LRP1B: variants seen among roughly 807,000 people sequenced by gnomAD.
LRP1B encodes low-density lipoprotein receptor-related protein 1B.
Under a neutral mutation model 556.6 loss-of-function variants are expected in LRP1B, and 217 were observed. The ratio of observed to expected loss-of-function variants is 0.39; its 90% CI spans 0.35 to 0.44. The LOEUF (loss-of-function observed/expected upper bound fraction) is 0.44. Among genes scored for constraint, LRP1B ranks in the 20% least tolerant of loss-of-function variants. LRP1B has a pLI of 1.00. For synonymous variants in LRP1B, 2,047 were observed against 1,865.8 expected (o/e 1.10, Z -2.50); for missense variants, 5,053 against 5,620.8 (o/e 0.90, Z 3.23).
intron 41 of LRP1B, among the ~76,000 whole-genome samples, chr2:140,619,583 C>T: frequency 6.6e-6 from 1 of 152,068 alleles, no homozygotes; most frequent in Non-Finnish European, 1.5e-5. Context: ...AGTGGGAGTC[C>T]CCGTATAACC....
intron 10 of LRP1B, among the ~76,000 whole-genome samples, chr2:141,053,776 G>A (rs1440525747): frequency 6.6e-6 from 1 of 151,864 alleles, no homozygotes; most frequent in Admixed American, 6.6e-5. Flanking sequence ...CTGATCTTAT[G>A]TTTTTCCTCC....
At chr2:141,276,949 C>G (rs1685322472) in intron 3 of LRP1B, among the ~76,000 whole-genome samples, 1 of 152,154 alleles carries the variant, frequency 6.6e-6, no homozygotes, top group Non-Finnish European at 1.5e-5. Flanking sequence ...AGACACCGCT[C>G]CCGGCCCCCA....
intron 43 of LRP1B, among the ~76,000 whole-genome samples, chr2:140,579,088 G>A (rs1681655180): frequency 6.6e-6 from 1 of 152,124 alleles, no homozygotes; most frequent in Non-Finnish European, 1.5e-5. Flanking sequence ...AGGGAGCAAA[G>A]GAGAAGGGGA....
At chr2:140,551,336 G>A (rs1015114469) in intron 43 of LRP1B, among the ~76,000 whole-genome samples, 1 of 152,118 alleles carries the variant, frequency 6.6e-6, no homozygotes, top group African/African-American at 2.4e-5. Flanking sequence ...GGGCAAATAA[G>A]CAAAGAGGAG....
At chr2:141,820,387 A>G (rs1696713679) in intron 1 of LRP1B, among the ~76,000 whole-genome samples, 1 of 152,212 alleles carries the variant, frequency 6.6e-6, no homozygotes, top group South Asian at 2.1e-4. Context: ...TAGACCAAAA[A>G]TGCTTGAACT....
intron 1 of LRP1B, among the ~76,000 whole-genome samples, chr2:141,816,790 C>CT (rs1696568429): frequency 1.3e-5 from 2 of 151,500 alleles, no homozygotes; most frequent in African/African-American, 4.9e-5. Flanking sequence ...TCAAAAATGA[C>CT]ATTTTTTTTT....
At chr2:141,929,569 G>A (rs752434482) in intron 1 of LRP1B, among the ~76,000 whole-genome samples, 108 of 151,888 alleles carry the variant, frequency 7.1e-4, no homozygotes, top group Non-Finnish European at 2.8e-4. Flanking sequence ...TCTTTCATGG[G>A]AAAATGATTG....
intron 18 of LRP1B, among the ~76,000 whole-genome samples, chr2:140,971,869 G>A (rs1004882778): frequency 2.0e-5 from 3 of 152,184 alleles, no homozygotes; most frequent in African/African-American, 4.8e-5. Flanking sequence ...TTATTTTTCC[G>A]AAAATACAGA....
chr2:141,665,653 G>T (rs375380730), intron 2 of LRP1B, among the ~76,000 whole-genome samples: 2 of 152,070 alleles, frequency 1.3e-5, no homozygotes, highest in African/African-American at 2.4e-5. Flanking sequence ...CACTATTCAC[G>T]ATAGCAAAGA....
At chr2:140,853,555 G>C (rs1467092536) in intron 27 of LRP1B, among the ~76,000 whole-genome samples, 1 of 152,056 alleles carries the variant, frequency 6.6e-6, no homozygotes, top group Non-Finnish European at 1.5e-5. Context: ...GAATAAAAAA[G>C]AGATAATAAA....
chr2:141,515,038 C>T (rs1684262315), intron 2 of LRP1B, among the ~76,000 whole-genome samples: 1 of 152,198 alleles, frequency 6.6e-6, no homozygotes, highest in Non-Finnish European at 1.5e-5. Context: ...CATGGTGGCT[C>T]ACGCCTGTAA....
intron 2 of LRP1B, among the ~76,000 whole-genome samples, chr2:141,705,278 A>T (rs569066711): frequency 6.6e-6 from 1 of 152,020 alleles, no homozygotes; most frequent in East Asian, 1.9e-4. Flanking sequence ...AAGTAACCTT[A>T]TTTTTTTGAA....
intron 1 of LRP1B, among the ~76,000 whole-genome samples, chr2:141,928,617 T>A (rs1700402470): frequency 6.6e-6 from 1 of 152,142 alleles, no homozygotes; most frequent in Admixed American, 6.6e-5. Context: ...CAGAACCATA[T>A]CACTCAGAGC....
intron 10 of LRP1B, among the ~76,000 whole-genome samples, chr2:141,049,677 T>C (rs1322095378): frequency 6.6e-6 from 1 of 152,096 alleles, no homozygotes; most frequent in African/African-American, 2.4e-5. Context: ...CTACAAATTG[T>C]CAGAGGCAAA....
intron 11 of LRP1B, among the ~76,000 whole-genome samples, chr2:141,021,815 A>G (rs1213183336): frequency 6.6e-6 from 1 of 151,992 alleles, no homozygotes; most frequent in Non-Finnish European, 1.5e-5. Flanking sequence ...GAAAGTGAAG[A>G]TTATCATAGC....
At chr2:140,767,862 C>T (rs1197659224) in intron 35 of LRP1B, among the ~76,000 whole-genome samples, 1 of 151,734 alleles carries the variant, frequency 6.6e-6, no homozygotes, top group African/African-American at 2.4e-5. Flanking sequence ...CATGCATGTA[C>T]TGTATACATA....
chr2:140,342,493 T>C (rs1681446228), intron 77 of LRP1B, among the ~76,000 whole-genome samples: 1 of 151,582 alleles, frequency 6.6e-6, no homozygotes, highest in Non-Finnish European at 1.5e-5. Context: ...TCTTATAATA[T>C]TCCAAAACAA....
intron 2 of LRP1B, among the ~76,000 whole-genome samples, chr2:141,708,780 G>A (rs1166329070): frequency 2.0e-5 from 3 of 152,050 alleles, no homozygotes; most frequent in East Asian, 1.9e-4. Flanking sequence ...TAATCCGACC[G>A]TGTTGTTATA....
At chr2:140,862,959 T>C (rs897142774) in intron 27 of LRP1B, among the ~76,000 whole-genome samples, 1 of 152,212 alleles carries the variant, frequency 6.6e-6, no homozygotes, top group African/African-American at 2.4e-5. Context: ...CCTGGGCCTG[T>C]GAACTCCTGG....
Sources: gnomAD v4.1 joint callset for allele counts (sites outside exome capture counted in the v4.1 genomes callset) on GRCh38, gnomAD v4.1.1 for gene constraint, MANE v1.5 for transcripts, NCBI Gene and HGNC (gene_info 2026-07-23, HGNC 2026-07-21) for gene names.